The following ARHGEF3 variants were observed in gnomAD, a reference collection of about 807,000 sequenced individuals.
The protein encoded by ARHGEF3 is Rho guanine nucleotide exchange factor 3, also known as 59.8 kDA protein.
Under a neutral mutation model 63.2 loss-of-function variants are expected in ARHGEF3, and 28 were observed. The observed-to-expected ratio is 0.44, with a 90% confidence interval of 0.33 to 0.61. The LOEUF is 0.61. Among genes scored for constraint, ARHGEF3 ranks in the 20% least tolerant of loss-of-function variants. ARHGEF3 has a pLI of 0.03. For synonymous variants in ARHGEF3, 266 were observed against 254.2 expected (o/e 1.05, Z -0.44); for missense variants, 533 against 659.3 (o/e 0.81, Z 2.10).
chr3:56,854,912 A>C (rs1268231962), intron 4 of ARHGEF3, among the ~76,000 whole-genome samples: 1 of 152,184 alleles, frequency 6.6e-6, no homozygotes, highest in African/African-American at 2.4e-5. Flanking sequence ...CTGCAAAGGA[A>C]TCCAAGATGG....
intron 3 of ARHGEF3, among the ~76,000 whole-genome samples, chr3:56,913,174 A>AC (rs35229285): frequency 0.89 from 134,948 of 150,998 alleles, 61,292 homozygotes; most frequent in Non-Finnish European, 0.99. Flanking sequence ...AACAACAACA[A>AC]AAAAAACTAT....
At chr3:56,968,515 G>A (rs1700766603) in intron 2 of ARHGEF3, among the ~76,000 whole-genome samples, 1 of 142,078 alleles carries the variant, frequency 7.0e-6, no homozygotes, top group African/African-American at 2.6e-5. Flanking sequence ...TTTCTGTAGA[G>A]ACGGGGTCTC....
chr3:56,732,419 C>A lies in ARHGEF3; in HGVS notation c.1047G>T (p.Leu349=). ...GCACTTCTTGGAACAGGAAAACATG[C>A]AGTTTCTAGAAGAAAAAAATCCACA... ...GELKNNRGVK[L]HVFLFQEVLV... Residue 349 remains leucine (L), a synonymous_variant, in exon 9 of 10, where the codon CTG becomes CTT. Transcript: ENST00000296315. 4 of 1,614,124 alleles carry A rather than the reference C, an allele frequency of 2.5e-6. No homozygotes were observed. The highest frequency in any genetic ancestry group is 2.5e-6 in the Non-Finnish European group (3 of 1,180,010).
chr3:56,801,628 G>A (rs1299626731), intron 1 of ARHGEF3, 75 bp downstream of exon 1: 7 of 1,509,534 alleles, frequency 4.6e-6, no homozygotes, highest in Non-Finnish European at 6.2e-6. Context: ...CTGGACGGGC[G>A]CCGAGAATGG....
At chr3:56,801,318 GCTGACACTTCC>G (rs1192901637) in intron 1 of ARHGEF3, among the ~76,000 whole-genome samples, 1 of 152,196 alleles carries the variant, frequency 6.6e-6, no homozygotes, top group African/African-American at 2.4e-5. Context: ...ACTGGGGCTT[GCTGACACTTCC>G]CTGACACTGG....
At chr3:56,783,048 C>T (rs924933684) in intron 1 of ARHGEF3, among the ~76,000 whole-genome samples, 8 of 152,204 alleles carry the variant, frequency 5.3e-5, no homozygotes, top group African/African-American at 1.9e-4. Flanking sequence ...TGGTTGCTTT[C>T]GGGGGAGCCT....
intron 4 of ARHGEF3, among the ~76,000 whole-genome samples, chr3:56,752,121 C>A (rs1220516116): frequency 1.3e-5 from 2 of 151,596 alleles, no homozygotes; most frequent in Non-Finnish European, 2.9e-5. Flanking sequence ...CAGGGTTTCA[C>A]CATGTTGGCC....
intron 2 of ARHGEF3, among the ~76,000 whole-genome samples, chr3:57,033,183 C>A (rs1464476236): frequency 6.6e-6 from 1 of 152,154 alleles, no homozygotes; most frequent in African/African-American, 2.4e-5. Context: ...GGAGGATGAA[C>A]TGGTGATGTT....
At chr3:57,071,095 A>C (rs1705874867) in intron 1 of ARHGEF3, among the ~76,000 whole-genome samples, 1 of 152,198 alleles carries the variant, frequency 6.6e-6, no homozygotes, top group African/African-American at 2.4e-5. Context: ...ATAGACAGCA[A>C]TACTGGCATA....
chr3:56,745,871 A>C (rs1159364587), intron 6 of ARHGEF3, among the ~76,000 whole-genome samples: 2 of 152,048 alleles, frequency 1.3e-5, no homozygotes, highest in East Asian at 1.9e-4. Context: ...TGGGGTTTCA[A>C]CGTGTTAGCC....
intron 2 of ARHGEF3, among the ~76,000 whole-genome samples, chr3:56,995,661 GA>G (rs1368398289): frequency 2.3e-5 from 3 of 128,654 alleles, no homozygotes; most frequent in Non-Finnish European, 3.4e-5. Context: ...GAGAGAGAGA[GA>G]GAGAGAGAGA....
At position 57,010,293 on chromosome 3, in the gene ARHGEF3, A is replaced by T. The variant is rs551488606; in HGVS notation, c.62+24795T>A. ...CATGGTGAAACCCCATCTCTACTAA[A>T]AATACAAAAAAAATTAGCCGGGCGT... On this transcript the variant is annotated intron_variant, in intron 2 of 12. Transcript: ENST00000338458. 1.1e-3 allele frequency among the ~76,000 whole-genome samples: 162 copies of T among 152,136 alleles called. 3 individuals carry two copies. Among genetic ancestry groups the T allele is most frequent in the African/African-American group, 3.6e-3 (148 of 41,520 alleles).
intron 2 of ARHGEF3, among the ~76,000 whole-genome samples, chr3:56,975,275 G>A (rs537489005): frequency 5.3e-5 from 8 of 151,990 alleles, no homozygotes; most frequent in Non-Finnish European, 1.0e-4. Context: ...AAAATTAGCC[G>A]AGCGTGGTGG....
chr3:57,076,718 T>C (rs1706238588), intron 1 of ARHGEF3: 1 of 152,200 alleles, frequency 6.6e-6, no homozygotes, highest in South Asian at 2.1e-4. Context: ...AACCAGTTCC[T>C]TTGCATTTCA....
At chr3:56,942,555 T>C (rs1699239264) in intron 3 of ARHGEF3, among the ~76,000 whole-genome samples, 1 of 152,140 alleles carries the variant, frequency 6.6e-6, no homozygotes, top group South Asian at 2.1e-4. Context: ...GACACACTAA[T>C]ATTGAAATTA....
At chr3:57,003,296 G>A (rs576088718) in intron 2 of ARHGEF3, among the ~76,000 whole-genome samples, 10 of 148,904 alleles carry the variant, frequency 6.7e-5, no homozygotes, top group East Asian at 6.3e-4. Flanking sequence ...CCAGCTACTC[G>A]GGAGGCTAAG....
intron 1 of ARHGEF3, among the ~76,000 whole-genome samples, chr3:56,796,514 T>C (rs955283600): frequency 2.0e-5 from 3 of 152,126 alleles, no homozygotes; most frequent in East Asian, 1.9e-4. Flanking sequence ...CCCTCCCAAA[T>C]GGGGGCTTGC....
At chr3:57,066,354 C>CA (rs1274935964) in intron 1 of ARHGEF3, among the ~76,000 whole-genome samples, 1 of 152,048 alleles carries the variant, frequency 6.6e-6, no homozygotes, top group Non-Finnish European at 1.5e-5. Flanking sequence ...CTCCGCCTCC[C>CA]AGGTTCAAGC....
intron 3 of ARHGEF3, among the ~76,000 whole-genome samples, chr3:56,941,847 T>G (rs1345226169): frequency 6.6e-6 from 1 of 152,186 alleles, no homozygotes; most frequent in Non-Finnish European, 1.5e-5. Context: ...GTGCTTTTCT[T>G]TAGTTATGGT....
Sources: gnomAD v4.1 joint callset for allele counts (sites outside exome capture counted in the v4.1 genomes callset) on GRCh38, gnomAD v4.1.1 for gene constraint, MANE v1.5 for transcripts, NCBI Gene and HGNC (gene_info 2026-07-23, HGNC 2026-07-21) for gene names.